Variants in STOX2 observed in about 807,000 individuals in gnomAD.
The protein encoded by STOX2 is storkhead-box protein 2.
Under a neutral mutation model 60.9 loss-of-function variants are expected in STOX2, and 28 were observed. The ratio of observed to expected loss-of-function variants is 0.46; its 90% CI spans 0.34 to 0.63. The LOEUF (loss-of-function observed/expected upper bound fraction) is 0.63, where lower values mean the gene tolerates loss of function less well. STOX2 is among the 30% of genes least tolerant of loss of function. The pLI, the probability that STOX2 is intolerant of heterozygous loss-of-function variation, is 0.01. For synonymous variants in STOX2, 472 were observed against 463.9 expected, an observed-to-expected ratio of 1.02 and a Z score of -0.22; for missense variants, 1,024 against 1,187.7, an observed-to-expected ratio of 0.86 and a Z score of 2.03.
intron 1 of STOX2, among the ~76,000 whole-genome samples, chr4:183,970,174 GT>G (rs1743700320): frequency 6.7e-6 from 1 of 148,522 alleles, no homozygotes; most frequent in African/African-American, 2.5e-5. Flanking sequence ...GTGTGTGTGT[GT>G]GTGTGTGGGG....
At position 184,001,385 on chromosome 4, in the gene STOX2, A is replaced by G; in HGVS notation, c.227A>G (p.Glu76Gly). Residue 76 changes from glutamate to glycine, a missense_variant, in exon 2 of 4, where the codon GAG (glutamate) becomes GGG (glycine). This residue lies in a region of STOX2 where 98 missense variants were observed against 110.2 expected (regional missense o/e 0.89). Transcript: ENST00000308497. The surrounding 1 kb of genome is among the most constrained non-coding windows in gnomAD (Gnocchi z 4.2). ...CAGTCTCAGTTTATTCCACTCGGGG[A>G]GATCCTCTGCTTGGCCATCTCAGCA... ...ISQSQFIPLGEILCLAISAMN... is the reference protein window; with the variant it reads ...ISQSQFIPLGGILCLAISAMN... 6.2e-7 allele frequency: 1 copy of G among 1,613,808 alleles called. No homozygotes were observed. The highest frequency in any genetic ancestry group is 8.5e-7 in the Non-Finnish European group (1 of 1,179,850).
At chr4:183,976,583 G>A (rs1223052328) in intron 1 of STOX2, among the ~76,000 whole-genome samples, 1 of 152,036 alleles carries the variant, frequency 6.6e-6, no homozygotes, top group Non-Finnish European at 1.5e-5. Flanking sequence ...GGAGGGCATG[G>A]ATTAAAAATT....
chr4:183,933,123 T>G (rs1742484708), intron 1 of STOX2, among the ~76,000 whole-genome samples: 1 of 152,246 alleles, frequency 6.6e-6, no homozygotes, highest in African/African-American at 2.4e-5. Flanking sequence ...ATTTTTAATG[T>G]GCATCAATAG....
At chr4:183,886,124 A>G in intron 1 of STOX2, among the ~76,000 whole-genome samples, 1 of 113,860 alleles carries the variant, frequency 8.8e-6, no homozygotes, top group Non-Finnish European at 1.9e-5. Flanking sequence ...AGGAGGGTGA[A>G]GGTTCAGATG....
chr4:183,975,491 G>T (rs966951336), intron 1 of STOX2, among the ~76,000 whole-genome samples: 3 of 151,976 alleles, frequency 2.0e-5, no homozygotes, highest in African/African-American at 7.3e-5. Flanking sequence ...ATGAAAGAGG[G>T]CATATCACTA....
chr4:184,006,104 A>G (rs1733814831), intron 2 of STOX2, among the ~76,000 whole-genome samples: 2 of 152,188 alleles, frequency 1.3e-5, no homozygotes, highest in African/African-American at 4.8e-5. Context: ...TAAGATCATC[A>G]TTTGGAAGGC....
chr4:183,969,752 T>C (rs1261590523), intron 1 of STOX2, among the ~76,000 whole-genome samples: 2 of 152,138 alleles, frequency 1.3e-5, no homozygotes, highest in Non-Finnish European at 2.9e-5. Context: ...CCTGAGTAGC[T>C]GGGGCTCCAG....
chr4:183,840,265 A>T (rs1177358426), intron 1 of STOX2, among the ~76,000 whole-genome samples: 1 of 152,200 alleles, frequency 6.6e-6, no homozygotes, highest in Non-Finnish European at 1.5e-5. Context: ...TTGAGAGTGG[A>T]TGGATTATTT....
chr4:183,811,427 G>A lies in STOX2; in HGVS notation c.364+13372G>A, dbSNP rs562200135. On this transcript the variant is annotated intron_variant, in intron 1 of 2. Coordinates refer to the STOX2 transcript ENST00000513034. Reference sequence around the variant, plus strand: ...GATTTTCAGACGTTACAAGCACCAGGTATTTGATCCAGGCCTAAAGTATGA... The same window carrying A: ...GATTTTCAGACGTTACAAGCACCAGATATTTGATCCAGGCCTAAAGTATGA... 4.9e-4 allele frequency among the ~76,000 whole-genome samples: 75 copies of A among 152,318 alleles called. 1 individual carries two copies. Among genetic ancestry groups the A allele is most frequent in the African/African-American group, 1.8e-3 (73 of 41,562 alleles).
At chr4:183,807,871 C>T (rs1376307190) in intron 1 of STOX2, among the ~76,000 whole-genome samples, 2 of 152,178 alleles carry the variant, frequency 1.3e-5, no homozygotes, top group Non-Finnish European at 2.9e-5. Context: ...GCCTGCTGTC[C>T]GTGAGGCTGC....
At position 183,851,275 on chromosome 4, in the gene STOX2, A is replaced by G. The variant is rs1402851739; in HGVS notation, c.364+53220A>G. Among the ~76,000 whole-genome samples the G allele has an allele frequency of 2.5e-5, 2 of 81,546 alleles. 1 individual carries two copies. The highest frequency in any genetic ancestry group is 5.6e-5 in the Non-Finnish European group (2 of 35,508). 53.5% of individuals were successfully genotyped at this position (81,546 alleles called of 152,430 possible). ...GATGAGAGAAAGGATGAGAGAAACG[A>G]TGAGGGAAAGGATGAGAGAAAGGAT... On this transcript the variant is annotated intron_variant, in intron 1 of 2. Transcript: ENST00000513034.
chr4:183,895,430 T>C (rs1741319375), intron 1 of STOX2, among the ~76,000 whole-genome samples: 1 of 152,190 alleles, frequency 6.6e-6, no homozygotes, highest in African/African-American at 2.4e-5. Context: ...TGGCACACTT[T>C]ATTGAGGGCC....
chr4:183,860,092 T>TA (rs1380695228), intron 1 of STOX2, among the ~76,000 whole-genome samples: 1 of 152,078 alleles, frequency 6.6e-6, no homozygotes, highest in Non-Finnish European at 1.5e-5. Flanking sequence ...CATATTCTTT[T>TA]TTTTTTACCG....
In STOX2 at chr4:183,922,350, C is replaced by CT. The variant is rs578015913; in HGVS notation, c.166+15408dup. Reference sequence around the variant, plus strand: ...CATAATGCAAAAGTTACCATCTTAACTTTTTTTTTTTTTTGAGATGGAGTC... The same window carrying CT: ...CATAATGCAAAAGTTACCATCTTAACTTTTTTTTTTTTTTTGAGATGGAGTC... On this transcript the variant is annotated intron_variant, in intron 1 of 3. Transcript: ENST00000308497. 8.3e-4 allele frequency among the ~76,000 whole-genome samples: 119 copies of CT among 142,726 alleles called. 1 individual carries two copies. Among genetic ancestry groups the CT allele is most frequent in the South Asian group, 1.6e-3 (7 of 4,422 alleles). 93.6% of individuals were successfully genotyped at this position (142,726 alleles called of 152,430 possible).
At chr4:183,838,199 T>C (rs988361231) in intron 1 of STOX2, among the ~76,000 whole-genome samples, 1 of 150,550 alleles carries the variant, frequency 6.6e-6, no homozygotes, top group African/African-American at 2.4e-5. Context: ...ATTTAAATAA[T>C]TCAATACATA....
At position 183,875,492 on chromosome 4, in the gene STOX2, G is replaced by A. The variant is rs576182320; in HGVS notation, c.364+77437G>A. Among the ~76,000 whole-genome samples, 9 of 152,306 alleles carry A rather than the reference G, an allele frequency of 5.9e-5. No individual in the cohort carries two copies. In the East Asian group the frequency reaches 9.7e-4, roughly 16 times the overall value. On this transcript the variant is annotated intron_variant, in intron 1 of 2. Transcript: ENST00000513034. ...TTTTATGGAGGAGCCTGTGATAGTC[G>A]GGACTGTGTTCCCTGGAGGGCTCCC...
chr4:183,999,599 G>A (rs1014039957), intron 1 of STOX2, among the ~76,000 whole-genome samples: 1 of 152,206 alleles, frequency 6.6e-6, no homozygotes, highest in Admixed American at 6.5e-5. Flanking sequence ...GAACTGAGCT[G>A]GGTTTGGGAA....
chr4:183,984,679 C>T (rs1371182028), intron 1 of STOX2, among the ~76,000 whole-genome samples: 1 of 152,196 alleles, frequency 6.6e-6, no homozygotes, highest in African/African-American at 2.4e-5. Flanking sequence ...AAGATCCTCC[C>T]CGTGTCCCTA....
intron 1 of STOX2, among the ~76,000 whole-genome samples, chr4:183,831,447 GAAC>G (rs1293830568): frequency 4.0e-5 from 6 of 151,528 alleles, no homozygotes; most frequent in African/African-American, 1.5e-4. Flanking sequence ...TGGGGACCAT[GAAC>G]ATTAGTTCAT....
Sources: allele counts gnomAD v4.1 joint callset (sites outside exome capture counted in the v4.1 genomes callset), GRCh38; gene constraint gnomAD v4.1.1; regional missense constraint gnomAD v4.1.1; non-coding constraint Gnocchi (gnomAD v3.1); transcripts MANE v1.5; gene names NCBI Gene and HGNC (gene_info 2026-07-23, HGNC 2026-07-21).